The following LRRC4C variants were observed in gnomAD, a reference collection of about 807,000 sequenced individuals.
The protein encoded by LRRC4C is leucine-rich repeat-containing protein 4C.
LRRC4C carries 5 observed loss-of-function variants against 33.6 expected under a neutral mutation model. The ratio of observed to expected loss-of-function variants is 0.15; its 90% confidence interval spans 0.08 to 0.31. The LOEUF is 0.31. Among genes scored for constraint, LRRC4C ranks in the 10% least tolerant of loss-of-function variants. LRRC4C has a pLI of 1.00. For missense variants in LRRC4C, 560 were observed against 796.7 expected, an observed-to-expected ratio of 0.70 and a Z score of 3.58; for synonymous variants, 329 against 302.0, an observed-to-expected ratio of 1.09 and a Z score of -0.93.
chr11:41,319,507 T>C (rs1015470174), intron 1 of LRRC4C, among the ~76,000 whole-genome samples: 2 of 152,172 alleles, frequency 1.3e-5, no homozygotes, highest in Non-Finnish European at 2.9e-5. Context: ...ATTCTACATA[T>C]CATAATTGCC....
chr11:40,465,371 A>G (rs748662835), intron 3 of LRRC4C, among the ~76,000 whole-genome samples: 122 of 152,046 alleles, frequency 8.0e-4, no homozygotes, highest in Non-Finnish European at 1.5e-3. Context: ...AAGAAAATCT[A>G]GAGAAAATTC....
chr11:40,326,777 G>A (rs1201026771), intron 3 of LRRC4C, among the ~76,000 whole-genome samples: 1 of 152,144 alleles, frequency 6.6e-6, no homozygotes, highest in East Asian at 1.9e-4. Flanking sequence ...CATTCTCATT[G>A]CAATGGAATC....
chr11:41,143,379 C>A (rs1943596546), intron 1 of LRRC4C, among the ~76,000 whole-genome samples: 1 of 152,062 alleles, frequency 6.6e-6, no homozygotes, highest in Non-Finnish European at 1.5e-5. Flanking sequence ...GACTTTAAAT[C>A]ATTTTGGGAC....
At chr11:41,270,493 G>A (rs11036332) in intron 1 of LRRC4C, among the ~76,000 whole-genome samples, 6,923 of 152,168 alleles carry the variant, frequency 0.045, 200 homozygotes, top group South Asian at 0.074. Flanking sequence ...TTGGGAATAG[G>A]CATGGGCCCA....
intron 3 of LRRC4C, among the ~76,000 whole-genome samples, chr11:40,527,745 G>C (rs570410676): frequency 1.3e-5 from 2 of 150,612 alleles, no homozygotes; most frequent in African/African-American, 5.0e-5. Flanking sequence ...AGAAGTTACA[G>C]TTAGAAGATA....
At chr11:40,562,535 C>T (rs1002236094) in intron 3 of LRRC4C, among the ~76,000 whole-genome samples, 2 of 152,120 alleles carry the variant, frequency 1.3e-5, no homozygotes, top group Non-Finnish European at 2.9e-5. Context: ...AGGAAACACT[C>T]CCATAAATAT....
At chr11:40,535,749 G>A (rs190608527) in intron 3 of LRRC4C, among the ~76,000 whole-genome samples, 36 of 152,186 alleles carry the variant, frequency 2.4e-4, no homozygotes, top group Admixed American at 2.0e-3. Flanking sequence ...ATGTGAAGAA[G>A]GTTAAAACAT....
At chr11:40,395,123 C>T (rs1949489983) in intron 3 of LRRC4C, among the ~76,000 whole-genome samples, 1 of 152,132 alleles carries the variant, frequency 6.6e-6, no homozygotes, top group African/African-American at 2.4e-5. Flanking sequence ...AATGCAACCT[C>T]ATGCATGCTC....
intron 1 of LRRC4C, among the ~76,000 whole-genome samples, chr11:41,361,143 A>G (rs1310892186): frequency 6.6e-6 from 1 of 152,206 alleles, no homozygotes; most frequent in Non-Finnish European, 1.5e-5. Context: ...TACACCAGGC[A>G]TGAGTGGATA....
At chr11:41,151,033 G>GACAC (rs138062793) in intron 1 of LRRC4C, among the ~76,000 whole-genome samples, 1 of 149,386 alleles carries the variant, frequency 6.7e-6, no homozygotes, top group African/African-American at 2.5e-5. Context: ...CACACACACA[G>GACAC]ACACACACAC....
intron 2 of LRRC4C, among the ~76,000 whole-genome samples, chr11:40,804,793 A>G (rs1457740906): frequency 6.6e-6 from 1 of 152,306 alleles, no homozygotes; most frequent in East Asian, 1.9e-4. Context: ...CTAAAGCTAT[A>G]AAAGTGCAAA....
chr11:40,912,023 C>G lies in LRRC4C; in HGVS notation c.-407+21612G>C, dbSNP rs988769074. ...AAAGAATAAAAAGAAATGAACAAACCCTCCAAGAAATATGGGACTATGTGA... is the reference window on the plus strand; with the variant it reads ...AAAGAATAAAAAGAAATGAACAAACGCTCCAAGAAATATGGGACTATGTGA... On this transcript the variant is annotated intron_variant, in intron 2 of 6. Transcript: ENST00000528697. 3.9e-5 allele frequency among the ~76,000 whole-genome samples: 6 copies of G among 152,026 alleles called. No homozygotes were observed. The East Asian group carries it at 1.2e-3, about 29-fold the overall frequency.
At chr11:40,265,286 C>T (rs1590859426) in intron 4 of LRRC4C, among the ~76,000 whole-genome samples, 3 of 152,278 alleles carry the variant, frequency 2.0e-5, no homozygotes, top group South Asian at 2.1e-4. Flanking sequence ...TTTTGCTTTG[C>T]CTTGTGCATT....
In LRRC4C at chr11:41,245,472, C is replaced by T. The variant is rs376729853; in HGVS notation, c.-496+213959G>A. On this transcript the variant is annotated intron_variant, in intron 1 of 6. Coordinates refer to ENST00000528697, the MANE Select transcript of LRRC4C (RefSeq NM_001258419.2). ...CACCAGCACGGGTACTGGCTCCCTG[C>T]GAGGCTGTGGCTAGACCAGGCATAC... 3.3e-3 allele frequency among the ~76,000 whole-genome samples: 507 copies of T among 152,262 alleles called. 1 individual carries two copies. The highest frequency in any genetic ancestry group is 0.012 in the African/African-American group (487 of 41,546).
chr11:40,840,021 A>T (rs1041767274), intron 2 of LRRC4C, among the ~76,000 whole-genome samples: 1 of 152,200 alleles, frequency 6.6e-6, no homozygotes, highest in Admixed American at 6.5e-5. Flanking sequence ...GAAAATGGAA[A>T]TATTATTCTT....
chr11:41,049,403 T>G (rs1255528739), intron 1 of LRRC4C, among the ~76,000 whole-genome samples: 1 of 152,244 alleles, frequency 6.6e-6, no homozygotes, highest in Non-Finnish European at 1.5e-5. Flanking sequence ...GTCTCTGGTA[T>G]GTCTTTACAG....
intron 1 of LRRC4C, among the ~76,000 whole-genome samples, chr11:40,977,676 T>C (rs1852185081): frequency 6.6e-6 from 1 of 152,200 alleles, no homozygotes; most frequent in African/African-American, 2.4e-5. Flanking sequence ...TGTTTTAAAC[T>C]CTGTCCCCTA....
intron 2 of LRRC4C, among the ~76,000 whole-genome samples, chr11:40,760,829 T>G (rs7481800): frequency 6.9e-6 from 1 of 144,960 alleles, no homozygotes; most frequent in Admixed American, 7.0e-5. Context: ...ACACATATAT[T>G]TATATATATA....
intron 1 of LRRC4C, among the ~76,000 whole-genome samples, chr11:41,229,302 C>T (rs1266662358): frequency 6.6e-6 from 1 of 152,094 alleles, no homozygotes; most frequent in Non-Finnish European, 1.5e-5. Flanking sequence ...GAATAGGGTG[C>T]TTACAAAAAC....
Sources: allele counts gnomAD v4.1 joint callset (sites outside exome capture counted in the v4.1 genomes callset), GRCh38; gene constraint gnomAD v4.1.1; transcripts MANE v1.5; gene names NCBI Gene and HGNC (gene_info 2026-07-23, HGNC 2026-07-21).